The following SLC17A8 variants were observed in gnomAD, a reference collection of about 807,000 sequenced individuals.
SLC17A8 encodes vesicular glutamate transporter 3.
In SLC17A8, 31 loss-of-function variants were observed where a neutral mutation model predicts 58.0. That is an observed-to-expected ratio of 0.53 (90% CI 0.40 to 0.72). SLC17A8 has a LOEUF of 0.72. Ranked by LOEUF, SLC17A8 falls within the 30% of genes least tolerant of loss-of-function variation. The probability of loss-of-function intolerance (pLI) is 0.00; values close to 1 mark genes in which losing one functional copy is unlikely to be tolerated. For synonymous variants in SLC17A8, 228 were observed against 249.0 expected, an observed-to-expected ratio of 0.92 and a Z score of 0.79; for missense variants, 655 against 727.8, an observed-to-expected ratio of 0.90 and a Z score of 1.15.
intron 1 of SLC17A8, among the ~76,000 whole-genome samples, chr12:100,364,527 C>T (rs1365132015): frequency 6.6e-6 from 1 of 152,186 alleles, no homozygotes; most frequent in Non-Finnish European, 1.5e-5. Flanking sequence ...CATAAGTGCA[C>T]TGCTCTAGCA....
Position 100,419,948 on chromosome 12 carries a change from G to T in SLC17A8, c.1559G>T (p.Cys520Phe), listed in dbSNP as rs368831665. 2.2e-5 allele frequency: 35 copies of T among 1,614,044 alleles called. No individual in the cohort carries two copies. Among genetic ancestry groups the T allele is most frequent in the African/African-American group, 8.0e-5 (6 of 74,912 alleles). ...CCAGAGAATCTCTCTGAGGAGAAAT[G>T]TGGAATCATTGACCAGGACGAATTA... Reference protein sequence around the residue: ...ADPENLSEEKCGIIDQDELAE... With the variant: ...ADPENLSEEKFGIIDQDELAE... Residue 520 changes from cysteine (C) to phenylalanine (F), a missense_variant, in exon 12 of 12, where the codon TGT becomes TTT. Cys to Phe is a radical substitution (Grantham distance 205). Coordinates refer to ENST00000323346, the MANE Select transcript of SLC17A8 (RefSeq NM_139319.3).
intron 1 of SLC17A8, among the ~76,000 whole-genome samples, chr12:100,376,575 GA>G (rs754152486): frequency 3.9e-5 from 6 of 152,192 alleles, no homozygotes; most frequent in Non-Finnish European, 5.9e-5. Flanking sequence ...CTTGCTTTCT[GA>G]ACTACAGTTG....
chr12:100,386,682 A>G (rs938112120), intron 2 of SLC17A8, among the ~76,000 whole-genome samples: 1 of 139,114 alleles, frequency 7.2e-6, no homozygotes, highest in Non-Finnish European at 1.5e-5. Flanking sequence ...TGGTGTGTAT[A>G]CCACATTTCC....
At chr12:100,412,912 C>A in intron 10 of SLC17A8, 32 bp downstream of exon 10, 2 of 1,513,034 alleles carry the variant, frequency 1.3e-6, no homozygotes, top group Non-Finnish European at 1.8e-6. Context: ...CAGATCTTGA[C>A]TATAGATTCA....
intron 3 of SLC17A8, among the ~76,000 whole-genome samples, chr12:100,392,770 C>T (rs1336852774): frequency 1.3e-5 from 2 of 152,206 alleles, no homozygotes; most frequent in Non-Finnish European, 2.9e-5. Flanking sequence ...AAGACAGGTA[C>T]ACAACCTGTC....
At chr12:100,399,792 TGTAAA>T (rs1444610515) in intron 5 of SLC17A8, among the ~76,000 whole-genome samples, 2 of 152,104 alleles carry the variant, frequency 1.3e-5, no homozygotes, top group African/African-American at 4.8e-5. Context: ...CATATCACAT[TGTAAA>T]GTTTCCCCAA....
intron 11 of SLC17A8, among the ~76,000 whole-genome samples, chr12:100,418,895 G>A (rs1038557849): frequency 2.6e-5 from 4 of 152,156 alleles, no homozygotes; most frequent in Non-Finnish European, 4.4e-5. Flanking sequence ...AGAAAAGGTA[G>A]GATTTTATAG....
chr12:100,367,098 G>A (rs1021077678), intron 1 of SLC17A8, among the ~76,000 whole-genome samples: 12 of 152,202 alleles, frequency 7.9e-5, no homozygotes, highest in Admixed American at 1.3e-4. Flanking sequence ...AATATAGTTC[G>A]TTTGTGGGTT....
rs772511307 is a variant in SLC17A8, at chr12:100,396,436, TAACA to T, written c.676+22_676+25del. The T allele has an allele frequency of 3.1e-6, 5 of 1,602,638 alleles. No homozygotes were observed. The highest frequency in any genetic ancestry group is 4.3e-6 in the Non-Finnish European group (5 of 1,169,864). ...TTTTGTGGTGGGTATATTAGAATCG[TAACA>T]AATTTTATTTATGAATGCTTTTTTT... On this transcript the variant is annotated intron_variant, in intron 5 of 11. Transcript: ENST00000323346.
intron 10 of SLC17A8, among the ~76,000 whole-genome samples, chr12:100,414,435 T>C (rs1180943343): frequency 2.6e-5 from 4 of 152,198 alleles, no homozygotes; most frequent in Admixed American, 2.0e-4. Context: ...AGGCCCTCTT[T>C]ACTATTTACT....
At chr12:100,361,951 A>C (rs1449760154) in intron 1 of SLC17A8, among the ~76,000 whole-genome samples, 1 of 151,854 alleles carries the variant, frequency 6.6e-6, no homozygotes, top group Non-Finnish European at 1.5e-5. Flanking sequence ...ACAGAGGGAG[A>C]CTCCATCTCC....
intron 1 of SLC17A8, among the ~76,000 whole-genome samples, chr12:100,358,777 T>A (rs1176165040): frequency 1.3e-5 from 2 of 152,178 alleles, no homozygotes. Context: ...CAAAAATAAT[T>A]TTTGCATAAT....
chr12:100,405,022 G>T (rs1053921424), intron 9 of SLC17A8, among the ~76,000 whole-genome samples: 1 of 152,200 alleles, frequency 6.6e-6, no homozygotes, highest in Non-Finnish European at 1.5e-5. Context: ...TGAAAGGGAC[G>T]GATTGCGTAT....
chr12:100,357,624 G>A, intron 1 of SLC17A8, 132 bp downstream of exon 1: 1 of 698,082 alleles, frequency 1.4e-6, no homozygotes, highest in African/African-American at 1.8e-5. Flanking sequence ...TCCTTCTGGA[G>A]CCCCTTCTAG....
chr12:100,363,545 T>A (rs1285884161), intron 1 of SLC17A8, among the ~76,000 whole-genome samples: 1 of 152,112 alleles, frequency 6.6e-6, no homozygotes, highest in Non-Finnish European at 1.5e-5. Context: ...TTTGTATTTT[T>A]AGTAGAGATG....
At chr12:100,386,270 A>G (rs1952673569) in intron 2 of SLC17A8, among the ~76,000 whole-genome samples, 1 of 152,154 alleles carries the variant, frequency 6.6e-6, no homozygotes, top group Admixed American at 6.5e-5. Context: ...ATACAGGGCC[A>G]TTTTTTTAAA....
At chr12:100,397,535 T>C (rs1410213976) in intron 5 of SLC17A8, among the ~76,000 whole-genome samples, 1 of 152,178 alleles carries the variant, frequency 6.6e-6, no homozygotes. Context: ...GACAGGCCTC[T>C]CTAGGTGTGG....
At position 100,396,418 on chromosome 12, in the gene SLC17A8, G is replaced by T; in HGVS notation, c.676+1G>T. On this transcript the variant is annotated splice_donor_variant, in intron 5 of 11. Transcript: ENST00000323346. LOFTEE classifies it high-confidence loss of function. ...CGACTGGCCACAACCTCTTTTTGTGGTGGGTATATTAGAATCGTAACAAAT... is the reference window on the plus strand; with the variant it reads ...CGACTGGCCACAACCTCTTTTTGTGTTGGGTATATTAGAATCGTAACAAAT... The T allele has an allele frequency of 1.2e-6, 2 of 1,613,150 alleles. No homozygotes were observed. The highest frequency in any genetic ancestry group is 8.5e-7 in the Non-Finnish European group (1 of 1,179,162).
intron 2 of SLC17A8, among the ~76,000 whole-genome samples, chr12:100,384,086 G>A (rs1028018752): frequency 3.3e-5 from 5 of 152,128 alleles, no homozygotes; most frequent in Admixed American, 1.3e-4. Context: ...TAAAATGACC[G>A]AAGTTTGAGA....
Sources: gnomAD v4.1 joint callset for allele counts (sites outside exome capture counted in the v4.1 genomes callset) on GRCh38, gnomAD v4.1.1 for gene constraint, MANE v1.5 for transcripts, NCBI Gene and HGNC (gene_info 2026-07-23, HGNC 2026-07-21) for gene names.